TTLL9: variants seen among roughly 807,000 people sequenced by gnomAD.
TTLL9 encodes the protein tubulin tyrosine ligase like 9.
TTLL9 carries 47 observed loss-of-function variants against 65.6 expected under a neutral mutation model. The ratio of observed to expected loss-of-function variants is 0.72; its 90% confidence interval spans 0.57 to 0.91. The LOEUF is 0.91. Ranked by LOEUF, TTLL9 falls within the 40% of genes least tolerant of loss-of-function variation. The pLI is 0.00. For missense variants in TTLL9, 537 were observed against 568.8 expected (o/e 0.94, Z 0.57); for synonymous variants, 179 against 204.8 (o/e 0.87, Z 1.07).
rs6061041 is a variant in TTLL9 at position 31,937,256 on chromosome 20, A to T, written c.1005-140A>T. ...AGACCCTATCTCTATAAAAATAATT[A>T]AAAAAAAATAGAAAGGTAGAGAGAG... is the stretch of plus-strand genomic sequence containing the variant. On this transcript the variant is annotated intron_variant, in intron 12 of 14. Coordinates refer to ENST00000535842, the MANE Select transcript of TTLL9 (RefSeq NM_001008409.5). 1.6e-3 allele frequency: 812 copies of T among 500,848 alleles called. 5 individuals are homozygous for T. Among genetic ancestry groups the T allele is most frequent in the African/African-American group, 8.4e-3 (428 of 50,688 alleles). 31.0% of individuals were successfully genotyped at this position (500,848 alleles called of 1,614,324 possible). A position where few individuals can be genotyped will look rare whatever the true frequency, so the allele number is the denominator to read the frequency against.
In TTLL9 at chr20:31,871,311, GC is replaced by G. The variant is rs1343151465; in HGVS notation, c.69+119del. ...AGGGGTCTGGAGACCAAGGTTTGAG[GC>G]CCTGTTCACCTCTGACCTGCTAGAT... On this transcript the variant is annotated intron_variant, in intron 2 of 14. Transcript: ENST00000535842. 5.3e-5 allele frequency: 58 copies of G among 1,084,392 alleles called. No homozygotes were observed. The South Asian group carries it at 6.1e-4, about 11-fold the overall frequency. 67.2% of individuals were successfully genotyped at this position (1,084,392 alleles called of 1,614,324 possible). A position where few individuals can be genotyped will look rare whatever the true frequency, so the allele number is the denominator to read the frequency against.
At chr20:31,873,131 G>A (rs955317170) in intron 2 of TTLL9, 1 of 434,114 alleles carries the variant, frequency 2.3e-6, no homozygotes, top group Non-Finnish European at 4.6e-6. Flanking sequence ...TTTTCACAGG[G>A]CAGCTGAAAG....
At chr20:31,887,761 C>G (rs1395906485) in intron 3 of TTLL9, among the ~76,000 whole-genome samples, 1 of 152,176 alleles carries the variant, frequency 6.6e-6, no homozygotes, top group Non-Finnish European at 1.5e-5. Flanking sequence ...GCAACGTAGA[C>G]TTTACTGAAG....
intron 7 of TTLL9, chr20:31,920,655 GGAAAGA>G (rs1186737810): frequency 6.5e-6 from 1 of 152,824 alleles, no homozygotes; most frequent in Non-Finnish European, 1.5e-5. Context: ...GGGCACTACA[GGAAAGA>G]GCTCAGCAGC....
intron 14 of TTLL9, chr20:31,940,177 G>A (rs1600634652): frequency 2.0e-5 from 3 of 152,134 alleles, no homozygotes; most frequent in African/African-American, 7.2e-5. Flanking sequence ...TTTCTTTCCA[G>A]AAAGATTATA....
At chr20:31,939,061 G>C (rs2064163371) in intron 13 of TTLL9, 81 bp from the exon 14 acceptor site, 1 of 1,451,232 alleles carries the variant, frequency 6.9e-7, no homozygotes, top group Non-Finnish European at 9.1e-7. Flanking sequence ...TGGGCTCAGG[G>C]AGAGATCAGG....
intron 7 of TTLL9, among the ~76,000 whole-genome samples, chr20:31,921,564 G>A (rs1314948664): frequency 6.6e-6 from 1 of 152,116 alleles, no homozygotes; most frequent in Non-Finnish European, 1.5e-5. Flanking sequence ...CAAAGACTTG[G>A]AACCAAGACA....
At chr20:31,891,345 G>C (rs1387773287) in intron 3 of TTLL9, among the ~76,000 whole-genome samples, 2 of 152,300 alleles carry the variant, frequency 1.3e-5, no homozygotes, top group East Asian at 3.9e-4. Flanking sequence ...CCACATTCTT[G>C]TGAATATTTG....
chr20:31,928,151 C>T (rs965893248), intron 10 of TTLL9, among the ~76,000 whole-genome samples: 1 of 151,998 alleles, frequency 6.6e-6, no homozygotes, highest in African/African-American at 2.4e-5. Flanking sequence ...CCTCCTCTCC[C>T]ACTTAAAAAT....
At position 31,943,115 on chromosome 20, in the gene TTLL9, C is replaced by A. The variant is rs1298035544; in HGVS notation, c.*94C>A. The A allele has an allele frequency of 1.0e-5, 12 of 1,171,192 alleles. No individual in the cohort carries two copies. The highest frequency in any genetic ancestry group is 7.0e-5 in the East Asian group (3 of 42,624). 72.5% of individuals were successfully genotyped at this position (1,171,192 alleles called of 1,614,324 possible). A position where few individuals can be genotyped will look rare whatever the true frequency, so the allele number is the denominator to read the frequency against. Reference sequence around the variant, plus strand: ...CAGCACAGCACCTCACAGCATTCGCCTCCCCACCTCCAGCCTGGCACCAGC... The same window carrying A: ...CAGCACAGCACCTCACAGCATTCGCATCCCCACCTCCAGCCTGGCACCAGC... On this transcript the variant is annotated 3_prime_UTR_variant, in exon 15 of 15. Coordinates refer to ENST00000535842, the MANE Select transcript of TTLL9 (RefSeq NM_001008409.5).
chr20:31,887,210 G>C lies in TTLL9; in HGVS notation c.84G>C (p.Lys28Asn). The C allele has an allele frequency of 4.3e-6, 7 of 1,614,140 alleles. No homozygotes were observed. Among genetic ancestry groups the C allele is most frequent in the African/African-American group, 1.3e-5 (1 of 75,048 alleles). The change falls in exon 3 of 15, where the codon AAG becomes AAC. Residue 28 changes from lysine to asparagine, a missense_variant. Lys to Asn is a moderately conservative substitution (Grantham distance 94). This residue lies in a region of TTLL9 where 320 missense variants were observed against 311.0 expected (regional missense o/e 1.03). Coordinates refer to ENST00000535842, the MANE Select transcript of TTLL9 (RefSeq NM_001008409.5). ...CCTCATTGCAGAACCAAAATTACAAGGGCCATGGATTGTCAAAGGGAAAAG... is the reference window on the plus strand; with the variant it reads ...CCTCATTGCAGAACCAAAATTACAACGGCCATGGATTGTCAAAGGGAAAAG... ...CPKKLQNQNY[K>N]GHGLSKGKER...
intron 2 of TTLL9, among the ~76,000 whole-genome samples, chr20:31,873,593 T>C (rs560764405): frequency 5.3e-5 from 8 of 150,176 alleles, no homozygotes; most frequent in Non-Finnish European, 1.2e-4. Flanking sequence ...GAGGCTGCAG[T>C]GACCTGTGAT....
intron 5 of TTLL9, 94 bp from the exon 6 acceptor site, chr20:31,909,643 G>A: frequency 8.5e-7 from 1 of 1,179,676 alleles, no homozygotes; most frequent in Admixed American, 2.1e-5. Context: ...GCCAGAGCAT[G>A]GAGGCTGCAG....
At chr20:31,881,057 T>C (rs1400094210) in intron 2 of TTLL9, among the ~76,000 whole-genome samples, 1 of 151,944 alleles carries the variant, frequency 6.6e-6, no homozygotes, top group African/African-American at 2.4e-5. Context: ...CTCTATGTTA[T>C]GTTGCTATGT....
chr20:31,883,000 C>G (rs1466486249), intron 2 of TTLL9, among the ~76,000 whole-genome samples: 2 of 152,158 alleles, frequency 1.3e-5, no homozygotes, highest in East Asian at 3.8e-4. Context: ...GATTGTCTCA[C>G]AAACAGGAGT....
intron 3 of TTLL9, among the ~76,000 whole-genome samples, chr20:31,891,861 G>A (rs1164909015): frequency 6.6e-6 from 1 of 151,936 alleles, no homozygotes; most frequent in African/African-American, 2.4e-5. Flanking sequence ...GGAGTGCAGT[G>A]GTACGATCTT....
At chr20:31,914,614 G>T (rs2063706451) in intron 6 of TTLL9, among the ~76,000 whole-genome samples, 1 of 152,202 alleles carries the variant, frequency 6.6e-6, no homozygotes, top group Non-Finnish European at 1.5e-5. Context: ...AATGGGGAGG[G>T]AGCTAGCAGG....
intron 3 of TTLL9, among the ~76,000 whole-genome samples, chr20:31,892,741 T>G (rs552545945): frequency 3.3e-5 from 5 of 152,300 alleles, no homozygotes; most frequent in South Asian, 2.1e-4. Context: ...GAGACCACAC[T>G]TCACAACCTA....
intron 4 of TTLL9, among the ~76,000 whole-genome samples, chr20:31,907,710 T>C (rs1444875039): frequency 6.7e-6 from 1 of 148,988 alleles, no homozygotes; most frequent in East Asian, 2.0e-4. Flanking sequence ...AACAAAGTGA[T>C]ACACCGTCTC....
Sources: allele counts gnomAD v4.1 joint callset (sites outside exome capture counted in the v4.1 genomes callset), GRCh38; gene constraint gnomAD v4.1.1; regional missense constraint gnomAD v4.1.1; transcripts MANE v1.5; gene names NCBI Gene and HGNC (gene_info 2026-07-23, HGNC 2026-07-21).